MAP3K12: variants seen among roughly 807,000 people sequenced by gnomAD.
The protein encoded by MAP3K12 is MAPK-upstream kinase.
Under a neutral mutation model 87.5 loss-of-function variants are expected in MAP3K12, and 14 were observed. The observed-to-expected ratio is 0.16, with a 90% CI of 0.11 to 0.25. The LOEUF (loss-of-function observed/expected upper bound fraction) is 0.25, where lower values mean the gene tolerates loss of function less well. MAP3K12 is among the 10% of genes least tolerant of loss of function. The probability of loss-of-function intolerance (pLI) is 1.00; values close to 1 mark genes in which losing one functional copy is unlikely to be tolerated. For missense variants in MAP3K12, 802 were observed against 1,140.4 expected (o/e 0.70, Z 4.27); for synonymous variants, 469 against 452.5 (o/e 1.04, Z -0.46).
chr12:53,491,679 C>A (rs1262546565), intron 1 of MAP3K12, among the ~76,000 whole-genome samples: 1 of 151,758 alleles, frequency 6.6e-6, no homozygotes, highest in East Asian at 2.0e-4. Flanking sequence ...ATGATCCGCC[C>A]ATCTCGGCCT....
In MAP3K12 at chr12:53,486,700, G is replaced by A; in HGVS notation, c.446-78C>T. 6.8e-7 allele frequency: 1 copy of A among 1,470,536 alleles called. No homozygotes were observed. The highest frequency in any genetic ancestry group is 9.0e-7 in the Non-Finnish European group (1 of 1,115,778). The allele number at this position is 1,470,536 out of a possible 1,614,324, so 91.1% of individuals were successfully genotyped here. A position where few individuals can be genotyped will look rare whatever the true frequency, so the allele number is the denominator to read the frequency against. The stretch of plus-strand genomic sequence containing the variant: ...CCAGGGACAGGATAGCATTGGGTTG[G>A]CTGAATTGACTTAAGGAGGGTGAGG... On this transcript the variant is annotated intron_variant, in intron 2 of 13. Transcript: ENST00000547488. The surrounding 1 kb of genome is among the most constrained non-coding windows in gnomAD (Gnocchi z 4.9).
At chr12:53,487,870 G>A (rs375351873) in intron 1 of MAP3K12, 5 of 162,120 alleles carry the variant, frequency 3.1e-5, no homozygotes, top group Admixed American at 1.2e-4. Flanking sequence ...CCTTTACCTC[G>A]GGGTCAACCT....
chr12:53,482,302 T>C lies in MAP3K12; in HGVS notation c.2306A>G (p.Gln769Arg). 3 of 1,614,166 alleles carry C rather than the reference T, an allele frequency of 1.9e-6. No homozygotes were observed. The highest frequency in any genetic ancestry group is 2.5e-6 in the Non-Finnish European group (3 of 1,180,016). ...VDSEVELTSS[Q>R]RWPQSLNMRQ... Reference sequence around the variant, plus strand: ...TTCTTGTAATGCCATCACTTACCTCTGGCTTGATGTCAGCTCTACTTCACT... The same window carrying C: ...TTCTTGTAATGCCATCACTTACCTCCGGCTTGATGTCAGCTCTACTTCACT... The change falls in exon 12 of 14, where the codon CAG becomes CGG. Residue 769 changes from glutamine to arginine, a missense_variant. Physicochemically the swap from Gln to Arg is conservative, Grantham distance 43. Transcript: ENST00000547488.
chr12:53,493,780 C>T (rs1358546523), intron 1 of MAP3K12: 1 of 152,190 alleles, frequency 6.6e-6, no homozygotes, highest in Non-Finnish European at 1.5e-5. Flanking sequence ...GTGACATGCT[C>T]AGAGACACTT....
In MAP3K12 at chr12:53,481,040, G is replaced by C. The variant is rs963950890; in HGVS notation, c.*142C>G. ...TAGAGTTTATCAGGTGAATTGGTCA[G>C]GGGATCAGTCTCCCTCGAGCCTGAC... On this transcript the variant is annotated 3_prime_UTR_variant, in exon 14 of 14. Coordinates refer to ENST00000547488, the MANE Select transcript of MAP3K12 (RefSeq NM_001193511.2). 5 of 242,818 alleles carry C rather than the reference G, an allele frequency of 2.1e-5. No individual in the cohort carries two copies. Among genetic ancestry groups the C allele is most frequent in the African/African-American group, 1.2e-4 (5 of 43,320 alleles). The allele number at this position is 242,818 out of a possible 1,614,324, so 15.0% of individuals were successfully genotyped here.
intron 1 of MAP3K12, 115 bp from the exon 2 acceptor site, chr12:53,487,543 G>A: frequency 9.6e-7 from 1 of 1,037,714 alleles, no homozygotes; most frequent in South Asian, 1.8e-5. Context: ...CCCCGCTGGA[G>A]GTAACACTTG....
At chr12:53,494,547 T>C (rs1444807735) in intron 1 of MAP3K12, among the ~76,000 whole-genome samples, 2 of 152,298 alleles carry the variant, frequency 1.3e-5, no homozygotes, top group African/African-American at 4.8e-5. Flanking sequence ...AGGTAAACTC[T>C]CTGAATTCTC....
chr12:53,492,445 C>G (rs1054053055), intron 1 of MAP3K12, among the ~76,000 whole-genome samples: 5 of 152,108 alleles, frequency 3.3e-5, no homozygotes, highest in African/African-American at 1.2e-4. Flanking sequence ...CCCGCACACT[C>G]TCTCTGCGCG....
At position 53,485,766 on chromosome 12, in the gene MAP3K12, C is replaced by A; in HGVS notation, c.821+290G>T. The A allele has an allele frequency of 5.8e-6, 3 of 515,370 alleles. No homozygotes were observed. In the South Asian group the frequency reaches 7.0e-5, roughly 12 times the overall value. 31.9% of individuals were successfully genotyped at this position (515,370 alleles called of 1,614,324 possible). A position where few individuals can be genotyped will look rare whatever the true frequency, so the allele number is the denominator to read the frequency against. ...AGAGACGAGGTTTCACCATGTTGGC[C>A]AGGATGGTCTCGATCTCTTGACCTT... On this transcript the variant is annotated intron_variant, in intron 4 of 13. Transcript: ENST00000547488.
chr12:53,500,335 C>G (rs1470005601), upstream of MAP3K12: 1 of 152,162 alleles, frequency 6.6e-6, no homozygotes, highest in African/African-American at 2.4e-5. Context: ...CTTAGGCGGC[C>G]AAAATTCACT....
chr12:53,484,048 A>G, intron 7 of MAP3K12, 28 bp from the exon 8 acceptor site: 3 of 1,599,130 alleles, frequency 1.9e-6, no homozygotes, highest in Non-Finnish European at 2.6e-6. Flanking sequence ...ATGAAGAGTG[A>G]GAGCCATCCC....
intron 12 of MAP3K12, 38 bp from the exon 13 acceptor site, chr12:53,482,249 C>A (rs1199892050): frequency 1.2e-6 from 2 of 1,614,078 alleles, no homozygotes; most frequent in East Asian, 4.5e-5. Flanking sequence ...TTGGTTCTGC[C>A]CCTAGCAGAA....
Position 53,482,961 on chromosome 12 carries a change from T to G in MAP3K12, c.1842A>C (p.Gly614=), listed in dbSNP as rs1274121201. ...PGGPGSPGGL[G]GGPSAWEACP... is the part of the protein sequence containing the mutation. ...AGGCCTCCCAGGCTGAGGGTCCCCC[T>G]CCTAGGCCCCCTGGGCTTCCTGGTC... Residue 614 remains glycine (G), a synonymous_variant, in exon 11 of 14, where the codon GGA becomes GGC. Transcript: ENST00000547488. 1.3e-6 allele frequency: 2 copies of G among 1,595,744 alleles called. No homozygotes were observed. Among genetic ancestry groups the G allele is most frequent in the East Asian group, 2.2e-5 (1 of 44,752 alleles).
In MAP3K12 at chr12:53,485,866, T is replaced by C. The variant is rs565953914; in HGVS notation, c.821+190A>G. The C allele has an allele frequency of 5.0e-6, 3 of 602,206 alleles. No individual in the cohort carries two copies. The African/African-American group carries it at 5.6e-5, about 11-fold the overall frequency. 37.3% of individuals were successfully genotyped at this position (602,206 alleles called of 1,614,324 possible). ...CCACTGCATCCGGCCTGCCTTTCAG[T>C]TTAAAATCATTTGGGACACTCAAAG... On this transcript the variant is annotated intron_variant, in intron 4 of 13. Transcript: ENST00000547488.
intron 7 of MAP3K12, 99 bp downstream of exon 7, chr12:53,484,158 C>T: frequency 7.3e-7 from 1 of 1,366,928 alleles, no homozygotes; most frequent in Non-Finnish European, 1.0e-6. Flanking sequence ...GAGCCAATCT[C>T]TTCAGTCCCA....
chr12:53,481,737 A>G (rs563337049), intron 13 of MAP3K12: 34 of 588,850 alleles, frequency 5.8e-5, no homozygotes, highest in Middle Eastern at 4.6e-4. Flanking sequence ...CCTGGCTGCA[A>G]TTTATAGCTA....
At chr12:53,484,156 C>T in intron 7 of MAP3K12, 101 bp downstream of exon 7, 1 of 1,356,998 alleles carries the variant, frequency 7.4e-7, no homozygotes, top group South Asian at 1.2e-5. Flanking sequence ...AAGAGCCAAT[C>T]TCTTCAGTCC....
chr12:53,496,984 G>T (rs1475238294), intron 1 of MAP3K12, among the ~76,000 whole-genome samples: 1 of 152,204 alleles, frequency 6.6e-6, no homozygotes, highest in Non-Finnish European at 1.5e-5. Context: ...GGGGACAGTG[G>T]TACCTATGTC....
In MAP3K12 at chr12:53,487,319, A is replaced by G; in HGVS notation, c.73T>C (p.Ser25Pro). The G allele has an allele frequency of 6.2e-7, 1 of 1,613,972 alleles. No individual in the cohort carries two copies. The highest frequency in any genetic ancestry group is 8.5e-7 in the Non-Finnish European group (1 of 1,179,990). The change falls in exon 2 of 14, where the codon TCC (serine) becomes CCC (proline). Residue 25 changes from serine to proline, a missense_variant. Around this residue, in one of 5 missense-constraint regions of MAP3K12, gnomAD observed 135 missense variants for 151.6 expected, o/e 0.89. Coordinates refer to ENST00000547488, the MANE Select transcript of MAP3K12 (RefSeq NM_001193511.2). ...GGFVSTLSEA[S>P]MRKLDPDTSD... ...GTGTCTGGGTCCAGCTTGCGCATGG[A>G]TGCCTCACTTAGGGTAGACACAAAG...
Sources: allele counts gnomAD v4.1 joint callset (sites outside exome capture counted in the v4.1 genomes callset), GRCh38; gene constraint gnomAD v4.1.1; regional missense constraint gnomAD v4.1.1; non-coding constraint Gnocchi (gnomAD v3.1); transcripts MANE v1.5; gene names NCBI Gene and HGNC (gene_info 2026-07-23, HGNC 2026-07-21).